CORO1C: variants seen among roughly 807,000 people sequenced by gnomAD.
CORO1C encodes the protein coronin 1C.
Under a neutral mutation model 51.2 loss-of-function variants are expected in CORO1C, and 14 were observed. The observed-to-expected ratio is 0.27, with a 90% CI of 0.18 to 0.43. CORO1C has a LOEUF of 0.43. Among genes scored for constraint, CORO1C ranks in the 20% least tolerant of loss-of-function variants. CORO1C has a pLI of 1.00. For missense variants in CORO1C, 417 were observed against 607.8 expected, an observed-to-expected ratio of 0.69 and a Z score of 3.30; for synonymous variants, 181 against 210.5, an observed-to-expected ratio of 0.86 and a Z score of 1.21.
At chr12:108,720,690 AT>A (rs1388337315) in intron 1 of CORO1C, among the ~76,000 whole-genome samples, 1 of 151,790 alleles carries the variant, frequency 6.6e-6, no homozygotes, top group Non-Finnish European at 1.5e-5. Context: ...CGCCCGGCTA[AT>A]TTTTTGTATT....
Position 108,646,905 on chromosome 12 carries a change from A to G in CORO1C, c.*498T>C, listed in dbSNP as rs1358933946. 6.5e-6 allele frequency: 1 copy of G among 152,976 alleles called. No homozygotes were observed. Among genetic ancestry groups the G allele is most frequent in the African/African-American group, 2.4e-5 (1 of 41,450 alleles). The allele number at this position is 152,976 out of a possible 1,614,324, so 9.5% of individuals were successfully genotyped here. A position where few individuals can be genotyped will look rare whatever the true frequency, so the allele number is the denominator to read the frequency against. ...AAACATACACAGTGCTGTCCCTTTC[A>G]AATTAAGGAAAAAAAACCACACACA... On this transcript the variant is annotated 3_prime_UTR_variant, in exon 11 of 11. Transcript: ENST00000261401.
At chr12:108,703,154 A>G in intron 1 of CORO1C, 1 of 462,152 alleles carries the variant, frequency 2.2e-6, no homozygotes, top group Non-Finnish European at 3.8e-6. Context: ...ATCTGCAACC[A>G]TCTGTACAAG....
chr12:108,715,192 C>T (rs963757591), intron 1 of CORO1C, among the ~76,000 whole-genome samples: 1 of 151,968 alleles, frequency 6.6e-6, no homozygotes, highest in Non-Finnish European at 1.5e-5. Context: ...TATTATTGCA[C>T]CACTGAACTT....
chr12:108,654,865 G>A (rs547407476), intron 6 of CORO1C, among the ~76,000 whole-genome samples: 2 of 151,624 alleles, frequency 1.3e-5, no homozygotes, highest in South Asian at 2.1e-4. Context: ...GCCACCACCC[G>A]TGGCTAATTT....
At chr12:108,713,336 T>C (rs2035236409) in intron 1 of CORO1C, among the ~76,000 whole-genome samples, 1 of 152,184 alleles carries the variant, frequency 6.6e-6, no homozygotes, top group South Asian at 2.1e-4. Context: ...ATAGCCTTGA[T>C]GTTGGTTCAA....
rs61278729 is a variant in CORO1C, at chr12:108,716,127, CAAAAAAAAAAAAAAAA to C, written c.-5-14820_-5-14805del. On this transcript the variant is annotated intron_variant, in intron 1 of 10. Transcript: ENST00000261401. ...TTGGCAATAGAACGAGACTCTGTCGCAAAAAAAAAAAAAAAAAAAAAAAAAAAAAAATCCTTGAATA... is the reference window on the plus strand; with the variant it reads ...TTGGCAATAGAACGAGACTCTGTCGCAAAAAAAAAAAAAAATCCTTGAATA... Among the ~76,000 whole-genome samples, 19 of 41,094 alleles carry C rather than the reference CAAAAAAAAAAAAAAAA, an allele frequency of 4.6e-4. 1 individual carries two copies. The highest frequency in any genetic ancestry group is 2.3e-3 in the East Asian group (3 of 1,316). The allele number at this position is 41,094 out of a possible 152,430, so 27.0% of individuals were successfully genotyped here.
chr12:108,698,941 C>T (rs17040894), intron 2 of CORO1C, among the ~76,000 whole-genome samples: 10,860 of 152,266 alleles, frequency 0.071, 607 homozygotes, highest in East Asian at 0.31. Flanking sequence ...AACCTATCGA[C>T]TATAGAAACC....
intron 2 of CORO1C, among the ~76,000 whole-genome samples, chr12:108,686,526 C>T (rs780951109): frequency 1.3e-5 from 2 of 152,218 alleles, no homozygotes; most frequent in Non-Finnish European, 2.9e-5. Context: ...AATATTACTA[C>T]TTTTCTGGCA....
At chr12:108,686,175 C>G (rs1247956216) in intron 2 of CORO1C, among the ~76,000 whole-genome samples, 1 of 152,220 alleles carries the variant, frequency 6.6e-6, no homozygotes, top group African/African-American at 2.4e-5. Flanking sequence ...TCTCATTCGT[C>G]TGCACGACAC....
At chr12:108,707,787 T>A (rs1208310303) in intron 1 of CORO1C, among the ~76,000 whole-genome samples, 1 of 152,134 alleles carries the variant, frequency 6.6e-6, no homozygotes, top group Non-Finnish European at 1.5e-5. Flanking sequence ...AATTCAATAA[T>A]AAAAACATAG....
At chr12:108,679,686 T>C (rs957376361) in intron 2 of CORO1C, among the ~76,000 whole-genome samples, 2 of 152,218 alleles carry the variant, frequency 1.3e-5, no homozygotes, top group African/African-American at 4.8e-5. Context: ...TTTCTCCAAT[T>C]TGACTTGACT....
chr12:108,712,231 C>T (rs972492829), intron 1 of CORO1C, among the ~76,000 whole-genome samples: 2 of 152,126 alleles, frequency 1.3e-5, no homozygotes, highest in African/African-American at 4.8e-5. Flanking sequence ...GACAAATATC[C>T]TAAACTCAGT....
Position 108,647,651 on chromosome 12 carries a change from A to G in CORO1C, c.1306-129T>C, listed in dbSNP as rs117503985. Reference sequence around the variant, plus strand: ...GGCAAGCCATAGTCACCAAGTTGAAAAGAGAAGTCAAAGCCCTACTATGTC... The same window carrying G: ...GGCAAGCCATAGTCACCAAGTTGAAGAGAGAAGTCAAAGCCCTACTATGTC... On this transcript the variant is annotated intron_variant, in intron 10 of 10. Coordinates refer to ENST00000261401, the MANE Select transcript of CORO1C (RefSeq NM_014325.4). 8.3e-3 allele frequency: 5,246 copies of G among 632,486 alleles called. 32 individuals are homozygous for G. The highest frequency in any genetic ancestry group is 0.01 in the Non-Finnish European group (3,806 of 372,634). The allele number at this position is 632,486 out of a possible 1,614,324, so 39.2% of individuals were successfully genotyped here. A position where few individuals can be genotyped will look rare whatever the true frequency, so the allele number is the denominator to read the frequency against.
At chr12:108,666,684 G>T (rs533333637) in intron 3 of CORO1C, among the ~76,000 whole-genome samples, 105 of 152,304 alleles carry the variant, frequency 6.9e-4, no homozygotes, top group African/African-American at 2.5e-3. Flanking sequence ...GGTGTCAGAA[G>T]ACACAGGCTC....
At chr12:108,680,890 G>A (rs1333930617) in intron 2 of CORO1C, among the ~76,000 whole-genome samples, 1 of 152,154 alleles carries the variant, frequency 6.6e-6, no homozygotes, top group Non-Finnish European at 1.5e-5. Flanking sequence ...ACTACCCCAG[G>A]TAATATTGTT....
chr12:108,687,013 G>A (rs771618428), intron 2 of CORO1C, among the ~76,000 whole-genome samples: 9 of 152,244 alleles, frequency 5.9e-5, no homozygotes, highest in African/African-American at 7.2e-5. Context: ...GGCAGAAACC[G>A]TCCCAGATAC....
intron 2 of CORO1C, among the ~76,000 whole-genome samples, chr12:108,690,211 C>T (rs2034449094): frequency 6.6e-6 from 1 of 152,112 alleles, no homozygotes; most frequent in Non-Finnish European, 1.5e-5. Flanking sequence ...CTGAGAGTGA[C>T]AGCTCATGGC....
intron 1 of CORO1C, among the ~76,000 whole-genome samples, chr12:108,717,655 T>G (rs1410499075): frequency 6.6e-6 from 1 of 152,186 alleles, no homozygotes; most frequent in Non-Finnish European, 1.5e-5. Context: ...ATTTGACTCA[T>G]GCAACCAGAT....
intron 10 of CORO1C, 84 bp downstream of exon 10, chr12:108,648,521 C>T: frequency 3.2e-6 from 5 of 1,578,736 alleles, no homozygotes; most frequent in Admixed American, 1.7e-5. Context: ...TGGGACAGTA[C>T]TCGCCGACGC....
Sources: allele counts gnomAD v4.1 joint callset (sites outside exome capture counted in the v4.1 genomes callset), GRCh38; gene constraint gnomAD v4.1.1; transcripts MANE v1.5; gene names NCBI Gene and HGNC (gene_info 2026-07-23, HGNC 2026-07-21).